Variants in GABRA3 observed in about 807,000 individuals in gnomAD.
GABRA3 encodes gamma-aminobutyric acid receptor subunit alpha-3.
GABRA3 carries 10 observed loss-of-function variants against 30.1 expected under a neutral mutation model. The ratio of observed to expected loss-of-function variants is 0.33; its 90% CI spans 0.20 to 0.56. The LOEUF is 0.56. Among genes scored for constraint, GABRA3 ranks in the 20% least tolerant of loss-of-function variants. The probability of loss-of-function intolerance (pLI) is 0.89; values close to 1 mark genes in which losing one functional copy is unlikely to be tolerated. For missense variants in GABRA3, 233 were observed against 392.0 expected, an observed-to-expected ratio of 0.59 and a Z score of 3.42; for synonymous variants, 151 against 146.8, an observed-to-expected ratio of 1.03 and a Z score of -0.21.
chrX:152,291,277 A>G (rs1939410587), intron 3 of GABRA3, among the ~76,000 whole-genome samples: 1 of 111,529 alleles, frequency 9.0e-6, no homozygotes. Context: ...CTTTGAAGCA[A>G]TTGTGAATGG....
chrX:152,292,135 C>T (rs933520495), intron 3 of GABRA3, among the ~76,000 whole-genome samples: 2 of 111,359 alleles, frequency 1.8e-5, no homozygotes, highest in African/African-American at 3.3e-5. Flanking sequence ...GCTGTGAATC[C>T]GTCTGGTCCT....
chrX:152,167,692 G>A lies in GABRA3; in HGVS notation c.*536C>T, dbSNP rs1936953475. ...CCACTAATTTCCAAACCAATAAATGGGTTGGGGGTGTAGAACTGGCTCCCA... is the reference window on the plus strand; with the variant it reads ...CCACTAATTTCCAAACCAATAAATGAGTTGGGGGTGTAGAACTGGCTCCCA... On this transcript the variant is annotated 3_prime_UTR_variant, in exon 10 of 10. Transcript: ENST00000370314. 1 of 117,007 alleles carries A rather than the reference G, an allele frequency of 8.5e-6. No homozygotes were observed. Among genetic ancestry groups the A allele is most frequent in the Non-Finnish European group, 1.8e-5 (1 of 55,422 alleles). 9.6% of individuals were successfully genotyped at this position (117,007 alleles called of 1,213,427 possible).
At chrX:152,250,987 G>T in intron 5 of GABRA3, 1 of 225,801 alleles carries the variant, frequency 4.4e-6, no homozygotes, top group South Asian at 5.7e-5. Flanking sequence ...ACTAGAGAAA[G>T]TGAACGGTTT....
intron 1 of GABRA3, among the ~76,000 whole-genome samples, chrX:152,409,403 T>C (rs1389762347): frequency 3.6e-5 from 4 of 111,086 alleles, no homozygotes; most frequent in Non-Finnish European, 7.5e-5. Flanking sequence ...ATCTAAGATA[T>C]GAAACTATAA....
intron 1 of GABRA3, among the ~76,000 whole-genome samples, chrX:152,403,569 CGTGTGTGTGT>C (rs35576596): frequency 6.0e-5 from 6 of 100,785 alleles, no homozygotes; most frequent in African/African-American, 2.2e-4. Flanking sequence ...TATGTGCACA[CGTGTGTGTGT>C]GTGTGTGTGT....
chrX:152,312,109 T>C (rs1939806561), intron 3 of GABRA3, among the ~76,000 whole-genome samples: 1 of 111,893 alleles, frequency 8.9e-6, no homozygotes, highest in African/African-American at 3.2e-5. Context: ...ATAGGAAGAA[T>C]CAATATTCTT....
intron 3 of GABRA3, among the ~76,000 whole-genome samples, chrX:152,320,985 T>C (rs367854477): frequency 1.5e-4 from 17 of 112,096 alleles, no homozygotes; most frequent in African/African-American, 5.5e-4. Context: ...CTCTGTTGCC[T>C]GATTATTTTA....
At chrX:152,419,843 T>C in intron 1 of GABRA3, among the ~76,000 whole-genome samples, 1 of 111,898 alleles carries the variant, frequency 8.9e-6, no homozygotes, top group East Asian at 2.8e-4. Flanking sequence ...ATCTCACTTA[T>C]AAATGTGGGT....
chrX:152,258,417 T>C (rs1463227278), intron 4 of GABRA3, among the ~76,000 whole-genome samples: 1 of 111,502 alleles, frequency 9.0e-6, no homozygotes, highest in Non-Finnish European at 1.9e-5. Flanking sequence ...AAGGGAGATA[T>C]AGTACTATGA....
chrX:152,174,059 C>A (rs1178098340), intron 9 of GABRA3, among the ~76,000 whole-genome samples: 1 of 110,201 alleles, frequency 9.1e-6, no homozygotes, highest in Non-Finnish European at 1.9e-5. Context: ...TTTGTCCTTG[C>A]CATAGTTTGC....
chrX:152,291,756 T>A (rs1939422729), intron 3 of GABRA3, among the ~76,000 whole-genome samples: 1 of 111,897 alleles, frequency 8.9e-6, no homozygotes, highest in African/African-American at 3.2e-5. Context: ...CTTTTCTGCA[T>A]CTATTGAGAT....
At chrX:152,423,678 T>C (rs1393575401) in intron 1 of GABRA3, among the ~76,000 whole-genome samples, 1 of 111,396 alleles carries the variant, frequency 9.0e-6, no homozygotes, top group Non-Finnish European at 1.9e-5. Context: ...TCAATAATGT[T>C]TGAGCTAAGC....
chrX:152,337,194 T>A (rs1940246577), intron 3 of GABRA3, among the ~76,000 whole-genome samples: 1 of 112,190 alleles, frequency 8.9e-6, no homozygotes, highest in African/African-American at 3.2e-5. Flanking sequence ...TAGATATGCG[T>A]CTTTTCTTTG....
intron 3 of GABRA3, among the ~76,000 whole-genome samples, chrX:152,308,211 T>G (rs1352643044): frequency 8.9e-6 from 1 of 112,578 alleles, no homozygotes; most frequent in Non-Finnish European, 1.9e-5. Context: ...TGGCAGACCC[T>G]GCCTAGCCAT....
intron 7 of GABRA3, among the ~76,000 whole-genome samples, chrX:152,205,763 T>C (rs764567378): frequency 8.9e-6 from 1 of 111,893 alleles, no homozygotes; most frequent in African/African-American, 3.2e-5. Flanking sequence ...ATTTATAATA[T>C]AAAATTAAAT....
At chrX:152,172,125 A>T (rs1219934372) in intron 9 of GABRA3, among the ~76,000 whole-genome samples, 2 of 111,665 alleles carry the variant, frequency 1.8e-5, no homozygotes, top group Non-Finnish European at 3.8e-5. Flanking sequence ...AACCCAAACA[A>T]CTCAATTTAA....
At chrX:152,378,455 ATGTG>A (rs1345770489) in intron 1 of GABRA3, among the ~76,000 whole-genome samples, 4 of 112,135 alleles carry the variant, frequency 3.6e-5, no homozygotes, top group Non-Finnish European at 5.6e-5. Flanking sequence ...AGAAAGTAAA[ATGTG>A]TGTATTACTA....
At chrX:152,331,223 G>T (rs1298462260) in intron 3 of GABRA3, among the ~76,000 whole-genome samples, 1 of 107,900 alleles carries the variant, frequency 9.3e-6, no homozygotes. Context: ...ATTAAAACTG[G>T]CACCATGAAT....
rs777959793 is a variant in GABRA3 at position 152,205,199 on chromosome X, C to A, written c.778+2802G>T. Among the ~76,000 whole-genome samples, 14 of 111,718 alleles carry A rather than the reference C, an allele frequency of 1.3e-4. No homozygotes were observed. In the South Asian group the frequency reaches 4.5e-3, roughly 36 times the overall value. On this transcript the variant is annotated intron_variant, in intron 7 of 9. Coordinates refer to ENST00000370314, the MANE Select transcript of GABRA3 (RefSeq NM_000808.4). ...CTTAAACATATCTTTTCAGGGGACA[C>A]AATTCAACCCATGATACCTGTGTTG... is the stretch of plus-strand genomic sequence containing the variant.
Sources: allele counts gnomAD v4.1 joint callset (sites outside exome capture counted in the v4.1 genomes callset), GRCh38; gene constraint gnomAD v4.1.1; transcripts MANE v1.5; gene names NCBI Gene and HGNC (gene_info 2026-07-23, HGNC 2026-07-21).